The following CRACR2A variants were observed in gnomAD, a reference collection of about 807,000 sequenced individuals.
CRACR2A encodes EF-hand calcium-binding domain-containing protein 4B.
CRACR2A carries 79 observed loss-of-function variants against 90.5 expected under a neutral mutation model. That is an observed-to-expected ratio of 0.87 (90% CI 0.73 to 1.05). CRACR2A has a LOEUF of 1.05. Among genes scored for constraint, CRACR2A ranks in the 50% least tolerant of loss-of-function variants. The pLI is 0.00. For synonymous variants in CRACR2A, 338 were observed against 356.7 expected (o/e 0.95, Z 0.59); for missense variants, 823 against 897.2 (o/e 0.92, Z 1.06).
chr12:3,727,599 C>G (rs1190565526), intron 2 of CRACR2A: 1 of 152,158 alleles, frequency 6.6e-6, no homozygotes, highest in Non-Finnish European at 1.5e-5. Context: ...GGGAGATCAT[C>G]TCGTCATTTC....
At chr12:3,722,757 G>C (rs1381890952) in intron 2 of CRACR2A, among the ~76,000 whole-genome samples, 26 of 152,118 alleles carry the variant, frequency 1.7e-4, no homozygotes, top group African/African-American at 4.8e-5. Flanking sequence ...TCATCCACTG[G>C]CTTTTTCATG....
chr12:3,631,098 C>T (rs1944368317), intron 15 of CRACR2A, among the ~76,000 whole-genome samples: 1 of 152,180 alleles, frequency 6.6e-6, no homozygotes, highest in Non-Finnish European at 1.5e-5. Context: ...GCTGGTGTGA[C>T]ATCTGCTTCC....
At chr12:3,664,520 T>C (rs1945092863) in intron 7 of CRACR2A, among the ~76,000 whole-genome samples, 1 of 152,238 alleles carries the variant, frequency 6.6e-6, no homozygotes, top group African/African-American at 2.4e-5. Context: ...CAAAGCTTAA[T>C]ACATGTTGTT....
Position 3,638,457 on chromosome 12 carries a change from A to G in CRACR2A, c.1272-3T>C, listed in dbSNP as rs1364990349. On this transcript the variant is annotated splice_polypyrimidine_tract_variant and splice_region_variant and intron_variant, in intron 13 of 19. Transcript: ENST00000440314. The stretch of plus-strand genomic sequence containing the variant: ...CCTCCTCCTCCTCCTCTGACTGGCT[A>G]CTGGGGCGGGGAAGAGAGAAGAGTT... 23 of 1,534,190 alleles carry G rather than the reference A, an allele frequency of 1.5e-5. No individual in the cohort carries two copies. The East Asian group carries it at 5.4e-4, about 36-fold the overall frequency.
At chr12:3,740,010 A>C in intron 1 of CRACR2A, among the ~76,000 whole-genome samples, 1 of 152,166 alleles carries the variant, frequency 6.6e-6, no homozygotes, top group East Asian at 1.9e-4. Flanking sequence ...CACAATTTTA[A>C]AATAATTTGT....
chr12:3,739,150 A>C (rs1946488949), intron 1 of CRACR2A, among the ~76,000 whole-genome samples: 1 of 152,224 alleles, frequency 6.6e-6, no homozygotes. Flanking sequence ...GAGATTAAGG[A>C]AGAAATGAAA....
intron 1 of CRACR2A, among the ~76,000 whole-genome samples, chr12:3,748,160 C>T (rs1565512522): frequency 1.3e-5 from 2 of 152,214 alleles, no homozygotes; most frequent in African/African-American, 2.4e-5. Context: ...CACTTTCCCA[C>T]AAGTTCTCAG....
At chr12:3,680,407 C>T in intron 4 of CRACR2A, 58 bp from the exon 5 acceptor site, 1 of 1,456,310 alleles carries the variant, frequency 6.9e-7, no homozygotes, top group Non-Finnish European at 9.6e-7. Context: ...GGGGAGGTGA[C>T]CTGGGACTGC....
rs188544299 is a variant in CRACR2A at position 3,732,932 on chromosome 12, C to A, written c.-118+10G>T. The A allele has an allele frequency of 4.5e-4, 68 of 152,374 alleles. No homozygotes were observed. Among genetic ancestry groups the A allele is most frequent in the African/African-American group, 1.6e-3 (66 of 41,566 alleles). The allele number at this position is 152,374 out of a possible 1,614,324, so 9.4% of individuals were successfully genotyped here. ...CAGTACCCCCTGAATCCAGGAACTCCGATTCTTACCATCAGCAAGACTCCT... is the reference window on the plus strand; with the variant it reads ...CAGTACCCCCTGAATCCAGGAACTCAGATTCTTACCATCAGCAAGACTCCT... On this transcript the variant is annotated intron_variant, in intron 2 of 19. Coordinates refer to ENST00000440314, the MANE Select transcript of CRACR2A (RefSeq NM_001144958.2).
At chr12:3,644,572 G>A in intron 12 of CRACR2A, 23 bp downstream of exon 12, 5 of 1,550,804 alleles carry the variant, frequency 3.2e-6, no homozygotes, top group Non-Finnish European at 4.4e-6. Context: ...TCCCCCACAG[G>A]TAAGGGAGAA....
intron 7 of CRACR2A, among the ~76,000 whole-genome samples, chr12:3,664,019 G>C (rs1315605605): frequency 1.3e-5 from 2 of 152,186 alleles, no homozygotes; most frequent in Non-Finnish European, 2.9e-5. Context: ...ATGCTAATAG[G>C]TTTCAGTTGG....
intron 2 of CRACR2A, among the ~76,000 whole-genome samples, chr12:3,720,074 G>C (rs553623444): frequency 6.6e-6 from 1 of 151,016 alleles, no homozygotes; most frequent in Non-Finnish European, 1.5e-5. Flanking sequence ...AGCTGAGATC[G>C]TGCCATTGCA....
chr12:3,667,693 G>T (rs1038660838), intron 7 of CRACR2A, among the ~76,000 whole-genome samples: 1 of 152,202 alleles, frequency 6.6e-6, no homozygotes, highest in Non-Finnish European at 1.5e-5. Flanking sequence ...CCTTCTTCAG[G>T]CAGCTGCAGT....
chr12:3,659,669 A>T lies in CRACR2A; in HGVS notation c.672-15T>A. On this transcript the variant is annotated splice_polypyrimidine_tract_variant and intron_variant, in intron 7 of 19. Coordinates refer to ENST00000440314, the MANE Select transcript of CRACR2A (RefSeq NM_001144958.2). ...CAGCAATTTTCCTACAGAGGTGGCAAAAGGAGAGTCTCATTGAGGTTCCCC... is the reference window on the plus strand; with the variant it reads ...CAGCAATTTTCCTACAGAGGTGGCATAAGGAGAGTCTCATTGAGGTTCCCC... 1.9e-6 allele frequency: 3 copies of T among 1,610,390 alleles called. No individual in the cohort carries two copies. Among genetic ancestry groups the T allele is most frequent in the Non-Finnish European group, 2.5e-6 (3 of 1,176,592 alleles).
intron 7 of CRACR2A, chr12:3,672,714 AGTTTTGT>A (rs1945268658): frequency 1.0e-6 from 1 of 983,090 alleles, no homozygotes; most frequent in Non-Finnish European, 1.2e-6. Flanking sequence ...GGCTTGCCCC[AGTTTTGT>A]GATATACCTG....
chr12:3,653,303 G>A (rs1355645659), intron 10 of CRACR2A, among the ~76,000 whole-genome samples: 3 of 152,190 alleles, frequency 2.0e-5, no homozygotes, highest in Admixed American at 1.3e-4. Context: ...AAGATCAAAC[G>A]AGAGGATGTC....
intron 2 of CRACR2A, chr12:3,727,497 C>G (rs992603882): frequency 1.4e-4 from 22 of 152,186 alleles, no homozygotes; most frequent in African/African-American, 5.1e-4. Flanking sequence ...CGCATGGGTT[C>G]CTTGCTTTGC....
chr12:3,700,681 T>C (rs1258911025), intron 3 of CRACR2A, among the ~76,000 whole-genome samples: 4 of 152,244 alleles, frequency 2.6e-5, no homozygotes. Context: ...TAAACACTTA[T>C]GTGTCTAATA....
intron 17 of CRACR2A, among the ~76,000 whole-genome samples, chr12:3,626,982 C>T (rs956109143): frequency 3.9e-5 from 6 of 152,058 alleles, no homozygotes; most frequent in Admixed American, 1.3e-4. Context: ...GTGTGGCTCC[C>T]GGGCAGGGCA....
Sources: allele counts gnomAD v4.1 joint callset (sites outside exome capture counted in the v4.1 genomes callset), GRCh38; gene constraint gnomAD v4.1.1; transcripts MANE v1.5; gene names NCBI Gene and HGNC (gene_info 2026-07-23, HGNC 2026-07-21).